PHYHIPL: variants seen among roughly 807,000 people sequenced by gnomAD.
PHYHIPL encodes the protein phytanoyl-CoA hydroxylase-interacting protein-like.
PHYHIPL carries 9 observed loss-of-function variants against 33.4 expected under a neutral mutation model. That is an observed-to-expected ratio of 0.27 (90% CI 0.16 to 0.47). The LOEUF is 0.47. PHYHIPL is among the 20% of genes least tolerant of loss of function. The pLI is 0.99. For synonymous variants in PHYHIPL, 153 were observed against 154.1 expected (o/e 0.99, Z 0.05); for missense variants, 365 against 460.7 (o/e 0.79, Z 1.90).
intron 2 of PHYHIPL, among the ~76,000 whole-genome samples, chr10:59,234,762 C>G (rs1840174856): frequency 6.6e-6 from 1 of 151,568 alleles, no homozygotes; most frequent in African/African-American, 2.4e-5. Flanking sequence ...ATTAGTTTAC[C>G]TTAAAGATTT....
chr10:59,193,951 T>A (rs1051716106), intron 1 of PHYHIPL, among the ~76,000 whole-genome samples: 6 of 152,108 alleles, frequency 3.9e-5, no homozygotes, highest in Non-Finnish European at 8.8e-5. Flanking sequence ...ATTCTAATGA[T>A]CAAATTTACA....
At chr10:59,206,412 C>T (rs567077586) in intron 1 of PHYHIPL, among the ~76,000 whole-genome samples, 8 of 152,292 alleles carry the variant, frequency 5.3e-5, no homozygotes, top group African/African-American at 1.2e-4. Context: ...TTGGAGTTCT[C>T]GTGATTGGCA....
At chr10:59,205,179 A>G (rs189283314) in intron 1 of PHYHIPL, among the ~76,000 whole-genome samples, 51 of 152,296 alleles carry the variant, frequency 3.3e-4, no homozygotes, top group African/African-American at 1.2e-3. Context: ...AAAGAACATC[A>G]AGGGAATATA....
chr10:59,193,693 T>C (rs923295548), intron 1 of PHYHIPL, among the ~76,000 whole-genome samples: 5 of 152,070 alleles, frequency 3.3e-5, no homozygotes, highest in African/African-American at 7.2e-5. Context: ...ATAAATATGG[T>C]TTTTTAGTTT....
intron 1 of PHYHIPL, among the ~76,000 whole-genome samples, chr10:59,194,418 T>C (rs957054754): frequency 1.3e-5 from 2 of 152,176 alleles, no homozygotes; most frequent in African/African-American, 2.4e-5. Context: ...CACCACCTAG[T>C]TTCACTCTAA....
At chr10:59,235,613 G>A (rs996201490) in intron 2 of PHYHIPL, among the ~76,000 whole-genome samples, 5 of 151,750 alleles carry the variant, frequency 3.3e-5, no homozygotes, top group African/African-American at 1.2e-4. Context: ...TTCCAGTTCT[G>A]ATTATGCTTT....
intron 1 of PHYHIPL, among the ~76,000 whole-genome samples, chr10:59,229,285 T>C (rs1840011372): frequency 6.6e-6 from 1 of 152,144 alleles, no homozygotes; most frequent in African/African-American, 2.4e-5. Context: ...AAGAGAAATA[T>C]TATGTGGTTA....
At chr10:59,188,102 T>G (rs904296311) in intron 1 of PHYHIPL, among the ~76,000 whole-genome samples, 4 of 152,222 alleles carry the variant, frequency 2.6e-5, no homozygotes, top group Admixed American at 6.5e-5. Context: ...TGTGGGCATT[T>G]AGTGCTATAA....
chr10:59,175,620 G>C (rs1838235565), upstream of PHYHIPL, among the ~76,000 whole-genome samples: 1 of 152,132 alleles, frequency 6.6e-6, no homozygotes, highest in Admixed American at 6.5e-5. Context: ...AGGTCAATAG[G>C]CTGTGACCTC....
At chr10:59,197,718 T>C (rs889994225) in intron 1 of PHYHIPL, among the ~76,000 whole-genome samples, 1 of 152,216 alleles carries the variant, frequency 6.6e-6, no homozygotes, top group Admixed American at 6.5e-5. Context: ...TTATTTAGGA[T>C]TGTGTATGTT....
intron 1 of PHYHIPL, among the ~76,000 whole-genome samples, chr10:59,195,461 C>T (rs894579096): frequency 1.5e-4 from 23 of 152,222 alleles, no homozygotes; most frequent in African/African-American, 5.3e-4. Context: ...GGAAGACAAA[C>T]GCGTATGATT....
Position 59,211,373 on chromosome 10 carries a change from T to C in PHYHIPL, c.107-22931T>C, listed in dbSNP as rs143237296. ...GCCTGAGTGACAGAACAAGGGTCTT[T>C]GTTTTTGTTTTGTTTTGTTTGAGAT... On this transcript the variant is annotated intron_variant, in intron 1 of 4. Coordinates refer to ENST00000373880, the MANE Select transcript of PHYHIPL (RefSeq NM_032439.4). 3.3e-3 allele frequency among the ~76,000 whole-genome samples: 496 copies of C among 152,192 alleles called. 4 individuals carry two copies. Among genetic ancestry groups the C allele is most frequent in the African/African-American group, 0.011 (457 of 41,536 alleles).
intron 3 of PHYHIPL, among the ~76,000 whole-genome samples, chr10:59,237,725 T>A (rs1007776264): frequency 1.3e-5 from 2 of 151,926 alleles, no homozygotes; most frequent in Non-Finnish European, 2.9e-5. Flanking sequence ...TCTACTTCTT[T>A]TCTAGCCTAT....
In PHYHIPL at chr10:59,246,309, T is replaced by C. The variant is rs41283700; in HGVS notation, c.*718T>C. On this transcript the variant is annotated 3_prime_UTR_variant, in exon 5 of 5. Coordinates refer to ENST00000373880, the MANE Select transcript of PHYHIPL (RefSeq NM_032439.4). ...ATCTGTCCTGTTAGAAGTAGATGAC[T>C]TCAATTAAACAAATTTATGAAGGAC... 1.6e-5 allele frequency: 3 copies of C among 183,684 alleles called. No individual in the cohort carries two copies. The highest frequency in any genetic ancestry group is 3.4e-5 in the Non-Finnish European group (3 of 88,868). 11.4% of individuals were successfully genotyped at this position (183,684 alleles called of 1,614,324 possible).
At chr10:59,195,726 A>G (rs767419565) in intron 1 of PHYHIPL, among the ~76,000 whole-genome samples, 10 of 152,060 alleles carry the variant, frequency 6.6e-5, no homozygotes, top group South Asian at 4.2e-4. Flanking sequence ...GCTTACTAAC[A>G]TTTTTCTGTT....
At chr10:59,243,255 G>T (rs1232081139) in intron 4 of PHYHIPL, among the ~76,000 whole-genome samples, 1 of 152,154 alleles carries the variant, frequency 6.6e-6, no homozygotes, top group East Asian at 1.9e-4. Flanking sequence ...ATTTTCAAAT[G>T]CTGAACGAGC....
chr10:59,243,762 C>A (rs1181842098), intron 4 of PHYHIPL, among the ~76,000 whole-genome samples: 1 of 149,884 alleles, frequency 6.7e-6, no homozygotes, highest in Non-Finnish European at 1.5e-5. Flanking sequence ...CAAAAAAAAA[C>A]AAACAACAAA....
chr10:59,219,797 G>T (rs752355703), intron 1 of PHYHIPL, among the ~76,000 whole-genome samples: 2 of 152,012 alleles, frequency 1.3e-5, no homozygotes, highest in African/African-American at 4.8e-5. Context: ...TTTCCCTAAG[G>T]CAGGTTTAGA....
chr10:59,245,450 A>G lies in PHYHIPL; in HGVS notation c.990A>G (p.Leu330=). 1 of 1,614,200 alleles carries G rather than the reference A, an allele frequency of 6.2e-7. No homozygotes were observed. Among genetic ancestry groups the G allele is most frequent in the Non-Finnish European group, 8.5e-7 (1 of 1,180,022 alleles). The change falls in exon 5 of 5, where the codon TTA becomes TTG. Residue 330 remains leucine (L), a synonymous_variant. Transcript: ENST00000373880. ...LVYHHAQDVI[L]EVIYTDPVDL... ...ACCACCATGCCCAGGATGTCATTTTAGAAGTCATTTACACTGACCCTGTGG... is the reference window on the plus strand; with the variant it reads ...ACCACCATGCCCAGGATGTCATTTTGGAAGTCATTTACACTGACCCTGTGG...
Sources: gnomAD v4.1 joint callset for allele counts (sites outside exome capture counted in the v4.1 genomes callset) on GRCh38, gnomAD v4.1.1 for gene constraint, MANE v1.5 for transcripts, NCBI Gene and HGNC (gene_info 2026-07-23, HGNC 2026-07-21) for gene names.